CELF1: variants seen among roughly 807,000 people sequenced by gnomAD.
CELF1 encodes 50 kDa nuclear polyadenylated RNA-binding protein.
CELF1 carries 10 observed loss-of-function variants against 61.8 expected under a neutral mutation model. The observed-to-expected ratio is 0.16, with a 90% CI of 0.10 to 0.27. The LOEUF is 0.27. Among genes scored for constraint, CELF1 ranks in the 10% least tolerant of loss-of-function variants. The probability of loss-of-function intolerance (pLI) is 1.00; values close to 1 mark genes in which losing one functional copy is unlikely to be tolerated. For missense variants in CELF1, 380 were observed against 639.1 expected, an observed-to-expected ratio of 0.59 and a Z score of 4.37; for synonymous variants, 236 against 225.1, an observed-to-expected ratio of 1.05 and a Z score of -0.43.
chr11:47,551,827 G>A (rs1056083899), intron 1 of CELF1, among the ~76,000 whole-genome samples: 2 of 152,136 alleles, frequency 1.3e-5, no homozygotes, highest in South Asian at 2.1e-4. Context: ...CATCCAGCCT[G>A]ATCAACATGG....
chr11:47,490,754 A>G (rs1214136563), intron 3 of CELF1, among the ~76,000 whole-genome samples: 1 of 152,128 alleles, frequency 6.6e-6, no homozygotes, highest in Non-Finnish European at 1.5e-5. Flanking sequence ...AACAACAACA[A>G]AAAAATCATT....
chr11:47,535,445 G>A (rs1209757347), intron 1 of CELF1, among the ~76,000 whole-genome samples: 2 of 151,960 alleles, frequency 1.3e-5, no homozygotes, highest in Non-Finnish European at 2.9e-5. Context: ...TTGGGAGGCC[G>A]AGGCAGGCGG....
intron 7 of CELF1, 78 bp from the exon 8 acceptor site, chr11:47,483,610 G>C: frequency 1.1e-5 from 11 of 1,034,334 alleles, no homozygotes; most frequent in Non-Finnish European, 1.7e-5. Context: ...ACTATGTGCT[G>C]ACTATCATGC....
chr11:47,508,146 CAA>C (rs2094678610), intron 1 of CELF1, among the ~76,000 whole-genome samples: 2 of 152,108 alleles, frequency 1.3e-5, no homozygotes, highest in African/African-American at 4.8e-5. Flanking sequence ...TAGGAGATAT[CAA>C]CTTTTACTGA....
At chr11:47,547,065 C>A (rs1284247196) in intron 1 of CELF1, among the ~76,000 whole-genome samples, 4 of 39,972 alleles carry the variant, frequency 1.0e-4, no homozygotes, top group African/African-American at 3.0e-4. Flanking sequence ...AACTCCACCT[C>A]AAAAAAAAAA....
intron 1 of CELF1, among the ~76,000 whole-genome samples, chr11:47,543,417 C>T (rs546835424): frequency 6.6e-6 from 1 of 151,986 alleles, no homozygotes; most frequent in African/African-American, 2.4e-5. Context: ...AAACAACAGC[C>T]CAAAAAAGCC....
chr11:47,533,081 T>C (rs544060714), intron 1 of CELF1, among the ~76,000 whole-genome samples: 205 of 152,112 alleles, frequency 1.3e-3, no homozygotes, highest in African/African-American at 4.7e-3. Flanking sequence ...CTTTTTTTTT[T>C]CTATCACAGT....
chr11:47,560,819 T>C (rs2097222582), intron 2 of CELF1, among the ~76,000 whole-genome samples: 1 of 152,210 alleles, frequency 6.6e-6, no homozygotes, highest in Non-Finnish European at 1.5e-5. Context: ...AAAACCTTTC[T>C]GTGCATCTAA....
intron 3 of CELF1, among the ~76,000 whole-genome samples, chr11:47,497,424 G>A (rs982333586): frequency 3.3e-5 from 5 of 152,222 alleles, no homozygotes; most frequent in Non-Finnish European, 5.9e-5. Flanking sequence ...ACTAGAGGCA[G>A]CCTGGTCTAG....
chr11:47,485,835 G>A (rs1337178065), intron 6 of CELF1, among the ~76,000 whole-genome samples: 2 of 148,170 alleles, frequency 1.3e-5, no homozygotes, highest in African/African-American at 4.9e-5. Context: ...GGGATTACAA[G>A]CATGAGCCAC....
chr11:47,466,808 G>T lies in CELF1; in HGVS notation c.*5422C>A, dbSNP rs1007909730. The T allele has an allele frequency of 6.6e-6, 1 of 152,232 alleles. No homozygotes were observed. The highest frequency in any genetic ancestry group is 2.4e-5 in the African/African-American group (1 of 41,464). 9.4% of individuals were successfully genotyped at this position (152,232 alleles called of 1,614,324 possible). A position where few individuals can be genotyped will look rare whatever the true frequency, so the allele number is the denominator to read the frequency against. Reference sequence around the variant, plus strand: ...ACTGCTTCTCAATACACAGGAAGGGGAGCCTCAGTGCCTCCTGCCAACAGA... The same window carrying T: ...ACTGCTTCTCAATACACAGGAAGGGTAGCCTCAGTGCCTCCTGCCAACAGA... On this transcript the variant is annotated 3_prime_UTR_variant, in exon 15 of 15. Transcript: ENST00000687097.
chr11:47,529,425 G>A (rs1057328923), intron 1 of CELF1, among the ~76,000 whole-genome samples: 26 of 152,042 alleles, frequency 1.7e-4, no homozygotes, highest in African/African-American at 6.3e-4. Context: ...GCTGGCTCAC[G>A]CCTGTAATCC....
rs749857958 is a variant in CELF1 at position 47,483,471 on chromosome 11, G to A, written c.588C>T (p.His196=). The A allele has an allele frequency of 6.2e-7, 1 of 1,613,992 alleles. No individual in the cohort carries two copies. The highest frequency in any genetic ancestry group is 2.2e-5 in the East Asian group (1 of 44,878). ...TCCCTACCTCCATGGTCTGTGCTTG[G>A]TGCATTGCCTTGATAGCCGTCTGTG... The part of the protein sequence containing the change: ...AMAQTAIKAM[H]QAQTMEGCSS... The change falls in exon 8 of 15, where the codon CAC becomes CAT. Residue 196 remains histidine (H), a synonymous_variant. Coordinates refer to ENST00000687097, the MANE Select transcript of CELF1 (RefSeq NM_001376376.1).
At chr11:47,519,587 C>T (rs952218191) in intron 1 of CELF1, among the ~76,000 whole-genome samples, 4 of 151,996 alleles carry the variant, frequency 2.6e-5, no homozygotes, top group African/African-American at 7.2e-5. Flanking sequence ...TGCTTCTCGC[C>T]GGGCGTGGTG....
intron 1 of CELF1, among the ~76,000 whole-genome samples, chr11:47,533,248 A>T (rs1201121730): frequency 6.6e-6 from 1 of 152,198 alleles, no homozygotes; most frequent in Admixed American, 6.6e-5. Context: ...GCAATTTGGG[A>T]AGCTGAGGCG....
At position 47,487,388 on chromosome 11, in the gene CELF1, T is replaced by A. The variant is rs1437972457; in HGVS notation, c.260-147A>T. The A allele has an allele frequency of 1.0e-5, 6 of 601,750 alleles. No individual in the cohort carries two copies. In the Admixed American group the frequency reaches 1.2e-4, roughly 12 times the overall value. 37.3% of individuals were successfully genotyped at this position (601,750 alleles called of 1,614,324 possible). ...GGGGAGGGTAGTGGAAAAGAACGAATAGAATATCTAGCAGAGGAATAAGAG... is the reference window on the plus strand; with the variant it reads ...GGGGAGGGTAGTGGAAAAGAACGAAAAGAATATCTAGCAGAGGAATAAGAG... On this transcript the variant is annotated intron_variant, in intron 4 of 14. Coordinates refer to ENST00000687097, the MANE Select transcript of CELF1 (RefSeq NM_001376376.1).
intron 9 of CELF1, among the ~76,000 whole-genome samples, chr11:47,480,089 C>CGT (rs1366108590): frequency 1.4e-5 from 2 of 139,164 alleles, no homozygotes; most frequent in African/African-American, 5.3e-5. Context: ...CACGTCTACA[C>CGT]TTTTTTTTTT....
At chr11:47,480,366 C>A (rs1224776270) in intron 9 of CELF1, among the ~76,000 whole-genome samples, 1 of 152,198 alleles carries the variant, frequency 6.6e-6, no homozygotes, top group Non-Finnish European at 1.5e-5. Flanking sequence ...GGATTACAGG[C>A]ATAAGCCACC....
At chr11:47,562,253 G>C (rs1425855578) in intron 2 of CELF1, among the ~76,000 whole-genome samples, 4 of 146,986 alleles carry the variant, frequency 2.7e-5, no homozygotes, top group Non-Finnish European at 4.5e-5. Flanking sequence ...AAGTTGGGTG[G>C]GGTGGCTCAC....
Sources: gnomAD v4.1 joint callset for allele counts (sites outside exome capture counted in the v4.1 genomes callset) on GRCh38, gnomAD v4.1.1 for gene constraint, MANE v1.5 for transcripts, NCBI Gene and HGNC (gene_info 2026-07-23, HGNC 2026-07-21) for gene names.